Variants in ASNS observed in about 807,000 individuals in gnomAD.
ASNS encodes asparagine synthetase (glutamine-hydrolyzing).
ASNS carries 37 observed loss-of-function variants against 62.6 expected under a neutral mutation model. That is an observed-to-expected ratio of 0.59 (90% CI 0.45 to 0.78). The LOEUF is 0.78. ASNS is among the 30% of genes least tolerant of loss of function. ASNS has a pLI of 0.00. For missense variants in ASNS, 520 were observed against 682.4 expected (o/e 0.76, Z 2.65); for synonymous variants, 207 against 237.9 (o/e 0.87, Z 1.19).
intron 1 of ASNS, chr7:97,870,120 GGGCTGTTTTATTT>G: frequency 2.3e-6 from 1 of 439,608 alleles, no homozygotes; most frequent in Non-Finnish European, 3.8e-6. Flanking sequence ...GTGAAATAAA[GGGCTGTTTTATTT>G]GGCTGCTGCC....
At chr7:97,895,610 A>G in the ASNS span, among the ~76,000 whole-genome samples, 1 of 152,294 alleles carries the variant, frequency 6.6e-6, no homozygotes, top group South Asian at 2.1e-4. Flanking sequence ...CGTGGCCAAC[A>G]TGGTGAAACC....
the ASNS span, among the ~76,000 whole-genome samples, chr7:97,885,674 T>C: frequency 1.1e-4 from 17 of 152,260 alleles, no homozygotes; most frequent in African/African-American, 2.9e-4. Context: ...TTGCATTTTG[T>C]AGTAACCACA....
chr7:97,892,344 T>C, the ASNS span, among the ~76,000 whole-genome samples: 4 of 152,216 alleles, frequency 2.6e-5, no homozygotes, highest in Non-Finnish European at 5.9e-5. Flanking sequence ...GGGGCTGCCA[T>C]GAAGACCTGT....
intron 4 of ASNS, 131 bp from the exon 5 acceptor site, chr7:97,859,529 T>C (rs1332450214): frequency 1.6e-5 from 16 of 985,676 alleles, no homozygotes; most frequent in African/African-American, 5.0e-5. Context: ...ATAAGCAAAA[T>C]AGGAAAAAAA....
chr7:97,922,820 G>A, the ASNS span, among the ~76,000 whole-genome samples: 2 of 152,020 alleles, frequency 1.3e-5, no homozygotes, highest in African/African-American at 2.4e-5. Flanking sequence ...ACAGAGTCTC[G>A]CTCTGTCACC....
chr7:97,858,346 C>T lies in ASNS; in HGVS notation c.835G>A (p.Val279Ile). 6.2e-7 allele frequency: 1 copy of T among 1,614,108 alleles called. No homozygotes were observed. Among genetic ancestry groups the T allele is most frequent in the Non-Finnish European group, 8.5e-7 (1 of 1,180,006 alleles). The change falls in exon 7 of 13, where the codon GTA (valine) becomes ATA (isoleucine). Residue 279 changes from valine (V) to isoleucine (I), a missense_variant. Coordinates refer to ENST00000394308, the MANE Select transcript of ASNS (RefSeq NM_001673.5). ...TLLKQLKEAQ[V>I]QYPLQTFAIG... Reference sequence around the variant, plus strand: ...GCAAATGTCTGGAGAGGATACTGTACTTGGGCTTCTTTCAGCTGCTTCAAC... The same window carrying T: ...GCAAATGTCTGGAGAGGATACTGTATTTGGGCTTCTTTCAGCTGCTTCAAC...
rs529912262 is a variant in ASNS at position 97,857,141 on chromosome 7, G to A, written c.904-325C>T. Among the ~76,000 whole-genome samples the A allele has an allele frequency of 4.6e-5, 7 of 152,178 alleles. 1 individual carries two copies. Among genetic ancestry groups the A allele is most frequent in the South Asian group, 4.2e-4 (2 of 4,814 alleles). ...TCTCTCTAGTCCAACATGGTCCCAC[G>A]CTAAGCTTGGTCTTTTTTGGTCCTT... On this transcript the variant is annotated intron_variant, in intron 7 of 12. Transcript: ENST00000394308.
At position 97,859,259 on chromosome 7, in the gene ASNS, A is replaced by G; in HGVS notation, c.627T>C (p.Asp209=). ...VEMVKYHHCR[D]VPLHALYDNV... ...TGTCATAGAGGGCGTGCAGGGGTAC[A>G]TCCCGACAGTGATGATATTTAACCA... Residue 209 remains aspartate, a synonymous_variant, in exon 5 of 13, where the codon GAT becomes GAC. Coordinates refer to ENST00000394308, the MANE Select transcript of ASNS (RefSeq NM_001673.5). 1 of 1,614,146 alleles carries G rather than the reference A, an allele frequency of 6.2e-7. No individual in the cohort carries two copies. Among genetic ancestry groups the G allele is most frequent in the South Asian group, 1.1e-5 (1 of 91,064 alleles).
chr7:97,873,852 T>C (rs759250860), upstream of ASNS, among the ~76,000 whole-genome samples: 3 of 152,104 alleles, frequency 2.0e-5, no homozygotes, highest in Non-Finnish European at 2.9e-5. Context: ...TCCACCTCAC[T>C]TTCTATCCTG....
At chr7:97,908,225 C>T in the ASNS span, 9 of 152,034 alleles carry the variant, frequency 5.9e-5, no homozygotes, top group African/African-American at 2.2e-4. Flanking sequence ...GTTTATTTTC[C>T]TCCCTAACTA....
chr7:97,852,569 A>G (rs1319454491), intron 12 of ASNS, 101 bp from the exon 13 acceptor site: 1 of 1,130,000 alleles, frequency 8.8e-7, no homozygotes, highest in African/African-American at 1.5e-5. Flanking sequence ...ACGTGACTGT[A>G]ACTTGTATGA....
At chr7:97,855,850 G>A (rs1791411054) in intron 8 of ASNS, among the ~76,000 whole-genome samples, 1 of 152,166 alleles carries the variant, frequency 6.6e-6, no homozygotes, top group South Asian at 2.1e-4. Context: ...TAATTTTGAT[G>A]GGTATTTTCC....
the ASNS span, among the ~76,000 whole-genome samples, chr7:97,894,480 CAAAAA>C: frequency 1.1e-4 from 4 of 36,542 alleles, no homozygotes; most frequent in African/African-American, 2.4e-4. Flanking sequence ...TGAGGCTAAC[CAAAAA>C]AAAAAAAAAA....
chr7:97,865,266 T>C (rs1445575394), intron 3 of ASNS, among the ~76,000 whole-genome samples: 1 of 152,202 alleles, frequency 6.6e-6, no homozygotes, highest in East Asian at 1.9e-4. Context: ...TAAACAGCTG[T>C]ACAAACAATG....
chr7:97,894,311 C>T, the ASNS span, among the ~76,000 whole-genome samples: 1 of 151,438 alleles, frequency 6.6e-6, no homozygotes, highest in African/African-American at 2.4e-5. Context: ...CCTCAAGGAA[C>T]TCAAAATGCA....
intron 3 of ASNS, among the ~76,000 whole-genome samples, chr7:97,865,293 C>T (rs978488965): frequency 6.6e-6 from 1 of 152,214 alleles, no homozygotes; most frequent in African/African-American, 2.4e-5. Flanking sequence ...TTTCAGACTC[C>T]ACCTACAATG....
the ASNS span, among the ~76,000 whole-genome samples, chr7:97,892,298 A>G: frequency 1.3e-5 from 2 of 152,078 alleles, no homozygotes; most frequent in Non-Finnish European, 2.9e-5. Context: ...CCACAAAACC[A>G]TCTTTTCTTC....
chr7:97,890,654 G>T, the ASNS span, among the ~76,000 whole-genome samples: 3 of 152,196 alleles, frequency 2.0e-5, no homozygotes, highest in African/African-American at 7.2e-5. Flanking sequence ...GGCTGAGGCA[G>T]GAGGACCATT....
the ASNS span, among the ~76,000 whole-genome samples, chr7:97,907,219 C>T: frequency 3.8e-3 from 574 of 152,332 alleles, 3 homozygotes; most frequent in African/African-American, 0.013. Flanking sequence ...TCCCTGCTAA[C>T]CCCAAATATT....
Sources: gnomAD v4.1 joint callset for allele counts (sites outside exome capture counted in the v4.1 genomes callset) on GRCh38, gnomAD v4.1.1 for gene constraint, MANE v1.5 for transcripts, NCBI Gene and HGNC (gene_info 2026-07-23, HGNC 2026-07-21) for gene names.